Variants in ZKSCAN7 observed in about 807,000 individuals in gnomAD.
The protein encoded by ZKSCAN7 is zinc finger with KRAB and SCAN domains 7.
In ZKSCAN7, 38 loss-of-function variants were observed where a neutral mutation model predicts 65.3. The observed-to-expected ratio is 0.58, with a 90% confidence interval of 0.45 to 0.76. The LOEUF (loss-of-function observed/expected upper bound fraction) is 0.76, where lower values mean the gene tolerates loss of function less well. ZKSCAN7 is among the 30% of genes least tolerant of loss of function. The probability of loss-of-function intolerance (pLI) is 0.00; values close to 1 mark genes in which losing one functional copy is unlikely to be tolerated. For missense variants in ZKSCAN7, 815 were observed against 913.3 expected (o/e 0.89, Z 1.39); for synonymous variants, 321 against 321.0 (o/e 1.00, Z 0.00).
At chr3:44,573,410 A>C (rs1235400903), downstream of ZKSCAN7, among the ~76,000 whole-genome samples, 2 of 152,174 alleles carry the variant, frequency 1.3e-5, no homozygotes, top group Non-Finnish European at 2.9e-5. Context: ...CATAGAAGAA[A>C]GGGTGGAGTT....
exon 6 of ZKSCAN7, chr3:44,583,403 G>C (rs1700138337): frequency 6.6e-6 from 1 of 152,578 alleles, no homozygotes; most frequent in African/African-American, 2.4e-5. Context: ...TGAGCCAATG[G>C]AGAAGAAAGC....
intron 2 of ZKSCAN7, 181 bp downstream of exon 2, chr3:44,557,651 A>G (rs1699339154): frequency 5.2e-6 from 4 of 773,406 alleles, no homozygotes; most frequent in Admixed American, 2.9e-5. Flanking sequence ...TGCACATCCC[A>G]GCTAAGCTCT....
At position 44,581,167 on chromosome 3, in the gene ZKSCAN7, C is replaced by A. The variant is rs538473993; in HGVS notation, c.812-1805C>A. On this transcript the variant is annotated intron_variant, in intron 5 of 5. Transcript: ENST00000341840. ...GGCCTCCTTCCCTGCGGGCGGCTCG[C>A]TGCACGCGCCGAGGCTCCTGAGCCG... 33 of 859,238 alleles carry A rather than the reference C, an allele frequency of 3.8e-5. 2 individuals carry two copies. In the South Asian group the frequency reaches 1.6e-3, roughly 41 times the overall value. The allele number at this position is 859,238 out of a possible 1,614,324, so 53.2% of individuals were successfully genotyped here.
intron 1 of ZKSCAN7, among the ~76,000 whole-genome samples, chr3:44,556,486 T>C (rs1465589524): frequency 6.6e-6 from 1 of 152,250 alleles, no homozygotes; most frequent in Non-Finnish European, 1.5e-5. Flanking sequence ...ACTTACTCCC[T>C]ACATTGGTTT....
chr3:44,567,285 A>G (rs1699664909), intron 3 of ZKSCAN7, among the ~76,000 whole-genome samples: 1 of 152,102 alleles, frequency 6.6e-6, no homozygotes, highest in African/African-American at 2.4e-5. Context: ...AAGGAAAGGG[A>G]GAAAAAGACA....
intron 2 of ZKSCAN7, among the ~76,000 whole-genome samples, chr3:44,561,638 G>T (rs568779711): frequency 4.6e-5 from 7 of 152,252 alleles, no homozygotes; most frequent in East Asian, 1.9e-4. Flanking sequence ...ATACAATGGG[G>T]ATATAGGCAT....
At chr3:44,556,205 T>C (rs1177111888) in intron 1 of ZKSCAN7, among the ~76,000 whole-genome samples, 3 of 152,180 alleles carry the variant, frequency 2.0e-5, no homozygotes, top group Non-Finnish European at 4.4e-5. Flanking sequence ...GTGCAGCAGT[T>C]TGGAGGGTGA....
At chr3:44,578,281 C>T (rs538609591) in intron 5 of ZKSCAN7, 2 of 1,578,752 alleles carry the variant, frequency 1.3e-6, no homozygotes, top group Non-Finnish European at 1.7e-6. Context: ...AGCTAATCTC[C>T]TGTTTCAGGT....
intron 5 of ZKSCAN7, among the ~76,000 whole-genome samples, 190 bp from the exon 6 acceptor site, chr3:44,569,732 C>G (rs1699738374): frequency 1.3e-5 from 2 of 152,158 alleles, no homozygotes; most frequent in African/African-American, 4.8e-5. Flanking sequence ...CCTTCCCCTT[C>G]CTTGTTTTCC....
intron 2 of ZKSCAN7, among the ~76,000 whole-genome samples, chr3:44,558,202 T>C (rs1699356685): frequency 1.3e-5 from 2 of 151,826 alleles, no homozygotes; most frequent in Middle Eastern, 3.4e-3. Context: ...TGTGTGGGCA[T>C]GGGCACACAT....
At chr3:44,581,367 C>G (rs1350536913) in intron 5 of ZKSCAN7, among the ~76,000 whole-genome samples, 2 of 151,416 alleles carry the variant, frequency 1.3e-5, no homozygotes, top group South Asian at 4.1e-4. Flanking sequence ...CTCAGCGCCC[C>G]GCGGCCGCTG....
In ZKSCAN7 at chr3:44,571,387, C is replaced by T; in HGVS notation, c.*12C>T. ...GGTCAGTTTCTTAAGGTATGGTTCT[C>T]TGAGACAGAGAGCAACGACCTTTGA... On this transcript the variant is annotated 3_prime_UTR_variant, in exon 6 of 6. Transcript: ENST00000426540. 6.2e-7 allele frequency: 1 copy of T among 1,613,330 alleles called. No homozygotes were observed. The highest frequency in any genetic ancestry group is 8.5e-7 in the Non-Finnish European group (1 of 1,180,024).
chr3:44,575,287 C>T (rs1699900595), downstream of ZKSCAN7, among the ~76,000 whole-genome samples: 1 of 152,108 alleles, frequency 6.6e-6, no homozygotes, highest in Non-Finnish European at 1.5e-5. Context: ...TGAGTGAGAC[C>T]CTGTCTTAAA....
intron 5 of ZKSCAN7, among the ~76,000 whole-genome samples, chr3:44,581,269 C>T (rs1479589511): frequency 6.7e-6 from 1 of 149,020 alleles, no homozygotes; most frequent in Admixed American, 6.7e-5. Flanking sequence ...CCCAAGGACG[C>T]GGCCTCGGGC....
intron 4 of ZKSCAN7, 111 bp downstream of exon 4, chr3:44,568,114 C>T (rs1699686317): frequency 2.6e-6 from 4 of 1,523,290 alleles, no homozygotes; most frequent in Non-Finnish European, 2.7e-6. Context: ...CTGTGGCTCT[C>T]CTGCCTCATT....
Position 44,571,207 on chromosome 3 carries a change from T to C in ZKSCAN7, c.2097T>C (p.Ala699=), listed in dbSNP as rs927491689. 1.9e-6 allele frequency: 3 copies of C among 1,614,070 alleles called. No homozygotes were observed. The highest frequency in any genetic ancestry group is 2.5e-6 in the Non-Finnish European group (3 of 1,180,006). The part of the protein sequence containing the change: ...KPYKCNDCGK[A]FSDSSQLIVH... Reference sequence around the variant, plus strand: ...ATAAATGCAATGATTGTGGGAAAGCTTTTAGTGACAGCTCACAGCTTATTG... The same window carrying C: ...ATAAATGCAATGATTGTGGGAAAGCCTTTAGTGACAGCTCACAGCTTATTG... Residue 699 remains alanine (A), a synonymous_variant, in exon 6 of 6, where the codon GCT becomes GCC. Coordinates refer to ENST00000426540, the MANE Select transcript of ZKSCAN7 (RefSeq NM_001288590.2).
intron 5 of ZKSCAN7, among the ~76,000 whole-genome samples, chr3:44,569,691 G>C (rs1398592861): frequency 6.6e-6 from 1 of 151,980 alleles, no homozygotes; most frequent in African/African-American, 2.4e-5. Context: ...TGCTGGCTTA[G>C]TATCTTTTTT....
intron 5 of ZKSCAN7, among the ~76,000 whole-genome samples, chr3:44,581,331 G>A (rs1160801946): frequency 6.6e-6 from 1 of 151,108 alleles, no homozygotes; most frequent in African/African-American, 2.4e-5. Flanking sequence ...CCGCCGTCCC[G>A]GCTCGTCCGC....
chr3:44,569,993 A>T lies in ZKSCAN7; in HGVS notation c.883A>T (p.Asn295Tyr), dbSNP rs1342888101. 6 of 1,607,482 alleles carry T rather than the reference A, an allele frequency of 3.7e-6. No homozygotes were observed. The highest frequency in any genetic ancestry group is 4.2e-6 in the Non-Finnish European group (5 of 1,177,652). Residue 295 changes from asparagine to tyrosine, a missense_variant, in exon 6 of 6, where the codon AAC becomes TAC. Around this residue, in one of 3 missense-constraint regions of ZKSCAN7, gnomAD observed 578 missense variants for 629.5 expected, o/e 0.92. Transcript: ENST00000426540. Reference protein sequence around the residue: ...QEFFKGSESSNRTSGGLFGVV... With the variant: ...QEFFKGSESSYRTSGGLFGVV... ...ATTTTTTAAAGGATCAGAGTCATCT[A>T]ACAGGACATCAGGGGGACTCTTTGG...
Sources: gnomAD v4.1 joint callset for allele counts (sites outside exome capture counted in the v4.1 genomes callset) on GRCh38, gnomAD v4.1.1 for gene constraint, gnomAD v4.1.1 regional missense constraint, MANE v1.5 for transcripts, NCBI Gene and HGNC (gene_info 2026-07-23, HGNC 2026-07-21) for gene names.